The following CLIC5 variants were observed in gnomAD, a reference collection of about 807,000 sequenced individuals.
The protein encoded by CLIC5 is CLIC family member 5, also known as chloride intracellular channel protein 5.
In CLIC5, 20 loss-of-function variants were observed where a neutral mutation model predicts 24.7. The observed-to-expected ratio is 0.81, with a 90% CI of 0.57 to 1.18. The LOEUF is 1.18. Among genes scored for constraint, CLIC5 ranks in the 50% most tolerant of loss-of-function variants. CLIC5 has a pLI of 0.00. For missense variants in CLIC5, 341 were observed against 326.1 expected (o/e 1.05, Z -0.35); for synonymous variants, 159 against 135.6 (o/e 1.17, Z -1.20).
intron 6 of CLIC5, among the ~76,000 whole-genome samples, chr6:45,888,699 A>T (rs554537441): frequency 1.6e-4 from 24 of 152,212 alleles, no homozygotes; most frequent in Non-Finnish European, 2.2e-4. Flanking sequence ...TAATAAAAAC[A>T]TGTAAAAAGG....
rs186637812 is a variant in CLIC5, at chr6:46,078,717, G to T, written c.540+986C>A. Among the ~76,000 whole-genome samples the T allele has an allele frequency of 2.6e-5, 4 of 152,244 alleles. No homozygotes were observed. The East Asian group carries it at 5.8e-4, about 22-fold the overall frequency. ...TATGTGTGAACCAAGCACTATACTA[G>T]ATTATTTTTAAAAGGACCTTGTAGT... On this transcript the variant is annotated intron_variant, in intron 1 of 5. Coordinates refer to the CLIC5 transcript ENST00000185206.
chr6:46,054,974 C>G (rs972267794), intron 1 of CLIC5, among the ~76,000 whole-genome samples: 1 of 152,218 alleles, frequency 6.6e-6, no homozygotes, highest in Non-Finnish European at 1.5e-5. Flanking sequence ...TCCTTTTTTG[C>G]TATTACCATT....
downstream of CLIC5, among the ~76,000 whole-genome samples, chr6:45,895,281 T>C (rs935093620): frequency 6.6e-6 from 1 of 152,182 alleles, no homozygotes; most frequent in Non-Finnish European, 1.5e-5. Context: ...AACCTGTTTC[T>C]AAATATAACA....
At chr6:45,998,919 C>A (rs1048443640) in intron 1 of CLIC5, among the ~76,000 whole-genome samples, 2 of 152,224 alleles carry the variant, frequency 1.3e-5, no homozygotes, top group Non-Finnish European at 2.9e-5. Flanking sequence ...TGCTTTTATA[C>A]TACAAAGGCA....
the CLIC5 span, among the ~76,000 whole-genome samples, chr6:46,108,933 G>A: frequency 6.6e-6 from 1 of 152,018 alleles, no homozygotes; most frequent in Non-Finnish European, 1.5e-5. Context: ...AGACTTATTA[G>A]GCTAATTTAG....
At chr6:45,989,818 A>G (rs905041025) in intron 1 of CLIC5, among the ~76,000 whole-genome samples, 2 of 152,132 alleles carry the variant, frequency 1.3e-5, no homozygotes, top group Non-Finnish European at 2.9e-5. Context: ...TGGGCTAGCA[A>G]TTTGAGGAAC....
intron 4 of CLIC5, among the ~76,000 whole-genome samples, chr6:45,926,184 CACACACACAT>C (rs1345936051): frequency 1.3e-5 from 2 of 151,296 alleles, no homozygotes; most frequent in Non-Finnish European, 2.9e-5. Flanking sequence ...CATATATACA[CACACACACAT>C]ACACACACAC....
At chr6:45,886,683 T>C (rs551490203) in intron 6 of CLIC5, among the ~76,000 whole-genome samples, 13 of 152,238 alleles carry the variant, frequency 8.5e-5, no homozygotes, top group Middle Eastern at 3.4e-3. Context: ...TTCAGACAAA[T>C]GGTTTTGAAA....
intron 1 of CLIC5, among the ~76,000 whole-genome samples, chr6:46,028,967 C>T (rs1019016667): frequency 1.3e-5 from 2 of 152,182 alleles, no homozygotes; most frequent in Non-Finnish European, 1.5e-5. Context: ...CCTGCCTATT[C>T]ATTCCTCCCC....
At chr6:46,013,128 C>G (rs1267290670) in intron 1 of CLIC5, among the ~76,000 whole-genome samples, 1 of 152,148 alleles carries the variant, frequency 6.6e-6, no homozygotes, top group Non-Finnish European at 1.5e-5. Flanking sequence ...GGAGGTCCTT[C>G]CAAGGGGGTG....
intron 6 of CLIC5, among the ~76,000 whole-genome samples, chr6:45,883,258 T>TGGGTGGGA (rs1762278068): frequency 6.6e-6 from 1 of 152,244 alleles, no homozygotes. Context: ...CTTGTTAGCA[T>TGGGTGGGA]ACAATGGGTT....
chr6:45,935,923 C>A (rs1047084298), intron 4 of CLIC5, among the ~76,000 whole-genome samples: 19 of 151,902 alleles, frequency 1.3e-4, no homozygotes, highest in Non-Finnish European at 2.5e-4. Flanking sequence ...TAACACAGAT[C>A]ACTCTTTTAA....
Position 45,993,165 on chromosome 6 carries a change from G to C in CLIC5, c.63+22315C>G, listed in dbSNP as rs565841775. 3.1e-4 allele frequency among the ~76,000 whole-genome samples: 47 copies of C among 152,288 alleles called. 1 individual carries two copies. In the South Asian group the frequency reaches 9.3e-3, roughly 30 times the overall value. On this transcript the variant is annotated intron_variant, in intron 1 of 5. Coordinates refer to ENST00000339561, the MANE Select transcript of CLIC5 (RefSeq NM_016929.5). ...CCTGTTTTCCAAATCTTCAGAGATGGGGGAGATTTTATAAGGCCATATGAG... is the reference window on the plus strand; with the variant it reads ...CCTGTTTTCCAAATCTTCAGAGATGCGGGAGATTTTATAAGGCCATATGAG...
intron 1 of CLIC5, among the ~76,000 whole-genome samples, chr6:45,975,521 A>G (rs1451263119): frequency 6.6e-6 from 1 of 152,222 alleles, no homozygotes; most frequent in Non-Finnish European, 1.5e-5. Flanking sequence ...CCAGTGTGCC[A>G]GGAACCAGTG....
In CLIC5 at chr6:46,080,198, A is replaced by G. The variant is rs768005893; in HGVS notation, c.45T>C (p.Asn15=). The change falls in exon 1 of 6, where the codon AAT becomes AAC. Residue 15 remains asparagine, a synonymous_variant. Coordinates refer to the CLIC5 transcript ENST00000185206. ...GGTCTGGAACCTCATACGTCCTCTC[A>G]TTTTGGATTGTGTCATAGATGGTGC... 8.8e-5 allele frequency: 137 copies of G among 1,551,560 alleles called. No individual in the cohort carries two copies. Among genetic ancestry groups the G allele is most frequent in the Middle Eastern group, 1.7e-4 (1 of 5,990 alleles).
the CLIC5 span, among the ~76,000 whole-genome samples, chr6:46,125,548 A>C: frequency 6.6e-6 from 1 of 152,198 alleles, no homozygotes; most frequent in Non-Finnish European, 1.5e-5. Flanking sequence ...CACGTTGTGC[A>C]CATGTACCTT....
At chr6:45,891,108 A>C (rs1201204793) in intron 6 of CLIC5, among the ~76,000 whole-genome samples, 1 of 152,232 alleles carries the variant, frequency 6.6e-6, no homozygotes, top group African/African-American at 2.4e-5. Flanking sequence ...TTAATATTTG[A>C]GGTGATGGAT....
intron 1 of CLIC5, among the ~76,000 whole-genome samples, chr6:45,991,830 T>A (rs1391842597): frequency 6.6e-6 from 1 of 152,178 alleles, no homozygotes; most frequent in African/African-American, 2.4e-5. Flanking sequence ...AGCTCAACAC[T>A]GATACTTGAC....
chr6:46,008,239 A>G (rs528113474), intron 1 of CLIC5, among the ~76,000 whole-genome samples: 2 of 152,038 alleles, frequency 1.3e-5, no homozygotes, highest in African/African-American at 2.4e-5. Flanking sequence ...TGCTCCTTTC[A>G]TATACCACTT....
Sources: allele counts gnomAD v4.1 joint callset (sites outside exome capture counted in the v4.1 genomes callset), GRCh38; gene constraint gnomAD v4.1.1; transcripts MANE v1.5; gene names NCBI Gene and HGNC (gene_info 2026-07-23, HGNC 2026-07-21).